The following IGSF22 variants were observed in gnomAD, a reference collection of about 807,000 sequenced individuals.
IGSF22 encodes immunoglobulin superfamily member 22, also known as immunoglobulin superfamily, member 22.
Under a neutral mutation model 127.0 loss-of-function variants are expected in IGSF22, and 119 were observed. That is an observed-to-expected ratio of 0.94 (90% CI 0.81 to 1.09). The LOEUF (loss-of-function observed/expected upper bound fraction) is 1.09, where lower values mean the gene tolerates loss of function less well. IGSF22 is among the 50% of genes least tolerant of loss of function. The pLI, the probability that IGSF22 is intolerant of heterozygous loss-of-function variation, is 0.00. For missense variants in IGSF22, 1,518 were observed against 1,716.6 expected (o/e 0.88, Z 2.04); for synonymous variants, 568 against 664.7 (o/e 0.85, Z 2.24).
chr11:18,712,250 C>T lies in IGSF22; in HGVS notation c.2230G>A (p.Gly744Ser), dbSNP rs1848371218. 1.3e-6 allele frequency: 2 copies of T among 1,551,732 alleles called. No individual in the cohort carries two copies. The highest frequency in any genetic ancestry group is 1.2e-5 in the South Asian group (1 of 84,064). The change falls in exon 15 of 23, where the codon GGC becomes AGC. Residue 744 changes from glycine (G) to serine (S), a missense_variant. Gly to Ser is a moderately conservative substitution (Grantham distance 56). This residue lies in a region of IGSF22 where 1,456 missense variants were observed against 1,644.9 expected (regional missense o/e 0.89). Transcript: ENST00000513874. ...TQFIVERRAV[G>S]KKSWIKIGEV... ...CCTATCTTAATCCAGGACTTCTTGC[C>T]AACTGCCCTCCGTTCCACTATGAAC...
intron 7 of IGSF22, 124 bp from the exon 8 acceptor site, chr11:18,718,852 A>G: frequency 1.5e-6 from 1 of 663,212 alleles, no homozygotes; most frequent in Non-Finnish European, 2.7e-6. Flanking sequence ...ATTAGATAAC[A>G]ACGTGCAGTG....
Position 18,716,736 on chromosome 11 carries a change from G to T in IGSF22, c.1238C>A (p.Thr413Asn). 1 of 1,613,954 alleles carries T rather than the reference G, an allele frequency of 6.2e-7. No individual in the cohort carries two copies. The stretch of plus-strand genomic sequence containing the variant: ...CTTGCCCAACCACTCACGGTCAACA[G>T]TGAGCTGGGCCTTTTGTACCAGGTT... ...AGNLVQKAQL[T>N]VDRIPIKFVS... is the part of the protein sequence containing the mutation. The change falls in exon 10 of 23, where the codon ACT becomes AAT. Residue 413 changes from threonine (T) to asparagine (N), a missense_variant. This residue lies in a region of IGSF22 where 1,456 missense variants were observed against 1,644.9 expected (regional missense o/e 0.89). Transcript: ENST00000513874. This position sits in a 1 kb window ranked among gnomAD's most constrained non-coding sequence, Gnocchi z 4.5.
At chr11:18,711,299 A>G (rs4537730) in intron 15 of IGSF22, among the ~76,000 whole-genome samples, 109,175 of 152,118 alleles carry the variant, frequency 0.72, 39,464 homozygotes, top group East Asian at 0.81. Context: ...ACTTTCCTAC[A>G]GTGTGACCCC....
Position 18,706,100 on chromosome 11 carries a change from C to T in IGSF22, c.3627G>A (p.Trp1209Ter), listed in dbSNP as rs1564866024. 1 of 1,547,484 alleles carries T rather than the reference C, an allele frequency of 6.5e-7. No individual in the cohort carries two copies. The highest frequency in any genetic ancestry group is 8.7e-7 in the Non-Finnish European group (1 of 1,146,832). The change falls in exon 22 of 23, where the codon TGG becomes TGA. Residue 1209 changes from tryptophan to a stop codon, truncating the protein, a stop_gained. Coordinates refer to ENST00000513874, the MANE Select transcript of IGSF22 (RefSeq NM_173588.4). LOFTEE classifies it high-confidence loss of function. Reference protein sequence around the residue: ...AKLKPYEKKDWRHAPRFVTPL... With the variant: ...AKLKPYEKKD ...GCGTCACGAAGCGCGGCGCGTGGCGCCAGTCCTTCTTCTCGTAGGGCTTGA... is the reference window on the plus strand; with the variant it reads ...GCGTCACGAAGCGCGGCGCGTGGCGTCAGTCCTTCTTCTCGTAGGGCTTGA...
Position 18,714,082 on chromosome 11 carries a change from C to T in IGSF22, c.1865G>A (p.Gly622Asp). 6.2e-7 allele frequency: 1 copy of T among 1,614,264 alleles called. No individual in the cohort carries two copies. Among genetic ancestry groups the T allele is most frequent in the Non-Finnish European group, 8.5e-7 (1 of 1,180,040 alleles). Residue 622 changes from glycine to aspartate, a missense_variant, in exon 14 of 23, where the codon GGC (glycine) becomes GAC (aspartate). Physicochemically the swap from Gly to Asp is moderately conservative, Grantham distance 94. Transcript: ENST00000513874. ...GGGGACCTTGATGTGGGCCGTGTGG[C>T]CTACCTTCACAGTGATGGCGTGCGC... ...LAAHAITVKV[G>D]HTAHIKVPFR...
chr11:18,713,973 G>T lies in IGSF22; in HGVS notation c.1974C>A (p.Arg658=). The change falls in exon 14 of 23, where the codon CGC becomes CGA. Residue 658 remains arginine, a synonymous_variant. Coordinates refer to ENST00000513874, the MANE Select transcript of IGSF22 (RefSeq NM_173588.4). ...TGGTGAGCAGTGCCTGGTCTTCCCC[G>T]CGCTCCATGGACACGCGTTCCTCCT... is the stretch of plus-strand genomic sequence containing the variant. ...VTEEERVSME[R]GEDQALLTIS... is the part of the protein sequence containing the mutation. The T allele has an allele frequency of 6.2e-7, 1 of 1,614,258 alleles. No homozygotes were observed. The highest frequency in any genetic ancestry group is 1.1e-5 in the South Asian group (1 of 91,082).
chr11:18,723,929 A>G (rs1848611702), intron 2 of IGSF22, among the ~76,000 whole-genome samples, 199 bp downstream of exon 2: 2 of 152,164 alleles, frequency 1.3e-5, no homozygotes, highest in African/African-American at 4.8e-5. Context: ...TTTCCTGGAG[A>G]TCTGATCTGT....
chr11:18,707,865 G>T lies in IGSF22; in HGVS notation c.3219C>A (p.Tyr1073Ter). 1 of 1,613,976 alleles carries T rather than the reference G, an allele frequency of 6.2e-7. No homozygotes were observed. Among genetic ancestry groups the T allele is most frequent in the South Asian group, 1.1e-5 (1 of 91,004 alleles). The change falls in exon 20 of 23, where the codon TAC becomes TAA. Residue 1073 changes from tyrosine (Y) to a stop codon, truncating the protein, a stop_gained. Transcript: ENST00000513874. LOFTEE classifies it high-confidence loss of function. ...NSTKRSDSGV[Y>*]RILLQNEFGE... The stretch of plus-strand genomic sequence containing the variant: ...CAAACTCATTCTGAAGCAAGATTCG[G>T]TACACCCCTGAGTCAGAGCGCTTGG...
In IGSF22 at chr11:18,714,407, C is replaced by G. The variant is rs994103382; in HGVS notation, c.1668G>C (p.Leu556Phe). 1.2e-6 allele frequency: 2 copies of G among 1,613,928 alleles called. No individual in the cohort carries two copies. Among genetic ancestry groups the G allele is most frequent in the Admixed American group, 1.7e-5 (1 of 60,008 alleles). The stretch of plus-strand genomic sequence containing the variant: ...CCTGCTTCACAATCTGCATGCCTGG[C>G]AAGTCCGTGATCTGGGGGTCAGGGG... ...WLKDGKEITDLPGMQIVKQGA... is the reference protein window; with the variant it reads ...WLKDGKEITDFPGMQIVKQGA... Residue 556 changes from leucine to phenylalanine, a missense_variant, in exon 13 of 23, where the codon TTG becomes TTC. Coordinates refer to ENST00000513874, the MANE Select transcript of IGSF22 (RefSeq NM_173588.4).
Position 18,707,907 on chromosome 11 carries a change from C to T in IGSF22, c.3177G>A (p.Gln1059=). The stretch of plus-strand genomic sequence containing the variant: ...AGCGCTTGGTGCTATTAATGAGGAA[C>T]TGGGAGTGGTTTTTGCTCTTGGTAA... The part of the protein sequence containing the change: ...ETITKSKNHS[Q]FLINSTKRSD... The change falls in exon 20 of 23, where the codon CAG becomes CAA. Residue 1059 remains glutamine (Q), a synonymous_variant. Coordinates refer to ENST00000513874, the MANE Select transcript of IGSF22 (RefSeq NM_173588.4). The T allele has an allele frequency of 6.2e-7, 1 of 1,614,160 alleles. No individual in the cohort carries two copies.
chr11:18,709,262 A>G lies in IGSF22; in HGVS notation c.2998+125T>C, dbSNP rs1848305146. On this transcript the variant is annotated intron_variant, in intron 18 of 22. Coordinates refer to ENST00000513874, the MANE Select transcript of IGSF22 (RefSeq NM_173588.4). This position sits in a 1 kb window ranked among gnomAD's most constrained non-coding sequence, Gnocchi z 4.8. ...TTACCCCTAACTTTGTCCAGGCACA[A>G]CAACTATGGATGACTTTTTCATGAT... The G allele has an allele frequency of 3.9e-6, 4 of 1,025,474 alleles. No homozygotes were observed. Among genetic ancestry groups the G allele is most frequent in the Admixed American group, 2.4e-5 (1 of 41,002 alleles). 63.5% of individuals were successfully genotyped at this position (1,025,474 alleles called of 1,614,324 possible).
chr11:18,713,278 G>A (rs932854288), intron 14 of IGSF22, among the ~76,000 whole-genome samples: 2 of 150,548 alleles, frequency 1.3e-5, no homozygotes, highest in African/African-American at 4.9e-5. Context: ...TTAGCCTCCC[G>A]AGTAGCTGGA....
At position 18,710,685 on chromosome 11, in the gene IGSF22, A is replaced by G; in HGVS notation, c.2542T>C (p.Trp848Arg). 1.9e-6 allele frequency: 3 copies of G among 1,613,494 alleles called. No individual in the cohort carries two copies. Among genetic ancestry groups the G allele is most frequent in the Non-Finnish European group, 2.5e-6 (3 of 1,179,404 alleles). Residue 848 changes from tryptophan (W) to arginine (R), a missense_variant, in exon 16 of 23, where the codon TGG (tryptophan) becomes CGG (arginine). Trp to Arg is a moderately radical substitution (Grantham distance 101, BLOSUM62 -3). Coordinates refer to ENST00000513874, the MANE Select transcript of IGSF22 (RefSeq NM_173588.4). ...ATGGGGTCCTTGTTGACTGGCACCC[A>G]CAGGTTGCTGCCTTTCTTCCTTCGT... ...VERRKKGSNLWVPVNKDPIQG... is the reference protein window; with the variant it reads ...VERRKKGSNLRVPVNKDPIQG...
Position 18,714,027 on chromosome 11 carries a change from T to C in IGSF22, c.1920A>G (p.Thr640=). The change falls in exon 14 of 23, where the codon ACA becomes ACG. Residue 640 remains threonine (T), a synonymous_variant. Coordinates refer to ENST00000513874, the MANE Select transcript of IGSF22 (RefSeq NM_173588.4). ...PFRGKPLPKV[T]WYKDGMEVTE... is the part of the protein sequence containing the mutation. ...TCACTTCCATGCCATCCTTGTACCATGTCACTTTGGGCAGTGGTTTTCCCC... is the reference window on the plus strand; with the variant it reads ...TCACTTCCATGCCATCCTTGTACCACGTCACTTTGGGCAGTGGTTTTCCCC... The C allele has an allele frequency of 6.2e-7, 1 of 1,614,256 alleles. No individual in the cohort carries two copies. The highest frequency in any genetic ancestry group is 1.3e-5 in the African/African-American group (1 of 75,062).
chr11:18,709,601 C>G lies in IGSF22; in HGVS notation c.2784G>C (p.Glu928Asp). 1.2e-6 allele frequency: 2 copies of G among 1,614,182 alleles called. No individual in the cohort carries two copies. Among genetic ancestry groups the G allele is most frequent in the Non-Finnish European group, 1.7e-6 (2 of 1,180,036 alleles). Residue 928 changes from glutamate (E) to aspartate (D), a missense_variant, in exon 18 of 23, where the codon GAG becomes GAC. Physicochemically the swap from Glu to Asp is conservative, Grantham distance 45 (BLOSUM62 2). Coordinates refer to ENST00000513874, the MANE Select transcript of IGSF22 (RefSeq NM_173588.4). This position sits in a 1 kb window ranked among gnomAD's most constrained non-coding sequence, Gnocchi z 4.8. The part of the protein sequence containing the change: ...SISLAWREPA[E>D]GDPPSGYILE... ...GGATGTAGCCAGAGGGTGGGTCTCC[C>G]TCTGCAGGCTCCCGCCAGGCCAGGG...
intron 21 of IGSF22, chr11:18,706,447 G>A (rs567891215): frequency 3.4e-4 from 162 of 473,766 alleles, no homozygotes; most frequent in African/African-American, 3.0e-3. Context: ...GTTATTCCCA[G>A]CCTTTAACTC....
intron 19 of IGSF22, 83 bp downstream of exon 19, chr11:18,708,124 T>A: frequency 6.6e-7 from 1 of 1,523,396 alleles, no homozygotes; most frequent in Middle Eastern, 1.8e-4. Flanking sequence ...AGAGTCAGAG[T>A]CAGAGTCAGA....
rs368121264 is a variant in IGSF22 at position 18,719,330 on chromosome 11, G to GTTT, written c.696+383_696+385dup. Among the ~76,000 whole-genome samples the GTTT allele has an allele frequency of 1.9e-4, 28 of 146,444 alleles. 1 individual carries two copies. In the South Asian group the frequency reaches 5.9e-3, roughly 31 times the overall value. On this transcript the variant is annotated intron_variant, in intron 7 of 22. Coordinates refer to ENST00000513874, the MANE Select transcript of IGSF22 (RefSeq NM_173588.4). ...CAGCGGTTTTTTTTTGTTTTTTTTT[G>GTTT]TTTTTTTTGTATTTTTAGTAGAGAC...
intron 21 of IGSF22, among the ~76,000 whole-genome samples, 157 bp from the exon 22 acceptor site, chr11:18,706,303 C>T (rs961900841): frequency 2.0e-5 from 3 of 151,890 alleles, no homozygotes; most frequent in Non-Finnish European, 2.9e-5. Flanking sequence ...TTCTTAAGGG[C>T]TCCCCACCCG....
Sources: gnomAD v4.1 joint callset for allele counts (sites outside exome capture counted in the v4.1 genomes callset) on GRCh38, gnomAD v4.1.1 for gene constraint, gnomAD v4.1.1 regional missense constraint, Gnocchi (gnomAD v3.1) non-coding constraint, MANE v1.5 for transcripts, NCBI Gene and HGNC (gene_info 2026-07-23, HGNC 2026-07-21) for gene names.